The following LARP1 variants were observed in gnomAD, a reference collection of about 807,000 sequenced individuals.
LARP1 encodes la-related protein 1.
Under a neutral mutation model 122.7 loss-of-function variants are expected in LARP1, and 36 were observed. The observed-to-expected ratio is 0.29, with a 90% CI of 0.22 to 0.39. The LOEUF is 0.39. Ranked by LOEUF, LARP1 falls within the 10% of genes least tolerant of loss-of-function variation. LARP1 has a pLI of 1.00. For synonymous variants in LARP1, 539 were observed against 528.7 expected (o/e 1.02, Z -0.27); for missense variants, 1,040 against 1,403.6 (o/e 0.74, Z 4.14).
At chr5:154,707,220 C>T (rs1754992923) in intron 1 of LARP1, among the ~76,000 whole-genome samples, 1 of 151,876 alleles carries the variant, frequency 6.6e-6, no homozygotes, top group Admixed American at 6.6e-5. Flanking sequence ...ATAGCCTTGG[C>T]AATACAGCCA....
At chr5:154,808,376 G>A in intron 15 of LARP1, 83 bp from the exon 16 acceptor site, 2 of 1,525,186 alleles carry the variant, frequency 1.3e-6, no homozygotes, top group Non-Finnish European at 1.8e-6. Context: ...AAAGGACCAA[G>A]TCTTAAGTTC....
chr5:154,796,378 T>C (rs1757855930), intron 8 of LARP1, among the ~76,000 whole-genome samples: 1 of 151,192 alleles, frequency 6.6e-6, no homozygotes, highest in East Asian at 1.9e-4. Context: ...ACCTGTGTAT[T>C]GTCTTATTAA....
At position 154,803,330 on chromosome 5, in the gene LARP1, G is replaced by A. The variant is rs780943760; in HGVS notation, c.2150G>A (p.Arg717Gln). Residue 717 changes from arginine (R) to glutamine (Q), a missense_variant, in exon 12 of 19, where the codon CGG becomes CAG. By Grantham distance (43) the Arg-to-Gln change is conservative. Around this residue, in one of 8 missense-constraint regions of LARP1, gnomAD observed 362 missense variants for 533.1 expected, o/e 0.68. Coordinates refer to ENST00000518297, the MANE Select transcript of LARP1 (RefSeq NM_033551.3). This position sits in a 1 kb window ranked among gnomAD's most constrained non-coding sequence, Gnocchi z 4.4. ...ENFKKVNMIS[R>Q]EQFDTLTPEP... ...TTCAAAAAGGTCAATATGATCAGCC[G>A]GGAGCAGTTTGACACACTGACCCCT... 2.5e-6 allele frequency: 4 copies of A among 1,613,934 alleles called. No individual in the cohort carries two copies. In the South Asian group the frequency reaches 3.3e-5, roughly 13 times the overall value.
chr5:154,712,596 T>G (rs1361947077), upstream of LARP1, among the ~76,000 whole-genome samples: 1 of 152,180 alleles, frequency 6.6e-6, no homozygotes, highest in Admixed American at 6.6e-5. Flanking sequence ...TAGCCCCAGC[T>G]TGTTTTCCAG....
At chr5:154,739,472 T>C (rs775136516) in intron 1 of LARP1, among the ~76,000 whole-genome samples, 4 of 152,268 alleles carry the variant, frequency 2.6e-5, no homozygotes, top group Non-Finnish European at 5.9e-5. Context: ...AAAATGAGAT[T>C]AATTCCTCAC....
At position 154,780,029 on chromosome 5, in the gene LARP1, C is replaced by T. The variant is rs117203718; in HGVS notation, c.437-10296C>T. On this transcript the variant is annotated intron_variant, in intron 1 of 18. Coordinates refer to ENST00000518297, the MANE Select transcript of LARP1 (RefSeq NM_033551.3). ...CACCGAGAGAGGCAAATTAGCAGCT[C>T]CTGGGAAGCAAGGCTGCCTGGCCAG... Among the ~76,000 whole-genome samples the T allele has an allele frequency of 1.8e-3, 274 of 152,170 alleles. 4 individuals carry two copies. The East Asian group carries it at 0.024, about 13-fold the overall frequency.
intron 1 of LARP1, among the ~76,000 whole-genome samples, chr5:154,764,904 CAAAAA>C (rs57409005): frequency 9.8e-6 from 1 of 102,466 alleles, no homozygotes. Context: ...GACTCCATCA[CAAAAA>C]AAAAAAAAAA....
intron 1 of LARP1, among the ~76,000 whole-genome samples, chr5:154,683,472 T>A (rs13178134): frequency 0.11 from 17,343 of 152,228 alleles, 1,297 homozygotes; most frequent in East Asian, 0.39. Flanking sequence ...CCATGATAAC[T>A]CTAGCCTATT....
At chr5:154,745,944 C>T (rs779829385) in intron 1 of LARP1, among the ~76,000 whole-genome samples, 27 of 152,086 alleles carry the variant, frequency 1.8e-4, no homozygotes, top group African/African-American at 4.6e-4. Context: ...TACAGGTACG[C>T]GCCACCACGC....
intron 1 of LARP1, among the ~76,000 whole-genome samples, chr5:154,734,026 G>A (rs951588558): frequency 1.5e-4 from 23 of 151,896 alleles, no homozygotes; most frequent in Non-Finnish European, 2.1e-4. Flanking sequence ...AATTAGCCAG[G>A]CATGGTGGCA....
At chr5:154,742,741 A>G (rs989165554) in intron 1 of LARP1, among the ~76,000 whole-genome samples, 1 of 151,312 alleles carries the variant, frequency 6.6e-6, no homozygotes, top group African/African-American at 2.4e-5. Context: ...AAAAAAAAAA[A>G]AAAGAAAAAA....
intron 1 of LARP1, among the ~76,000 whole-genome samples, chr5:154,690,203 C>T (rs1316933469): frequency 6.6e-6 from 1 of 152,068 alleles, no homozygotes; most frequent in Non-Finnish European, 1.5e-5. Flanking sequence ...TACCCCATTG[C>T]AGTTAGACAA....
chr5:154,704,111 C>T (rs1261644498), intron 1 of LARP1, among the ~76,000 whole-genome samples: 1 of 152,118 alleles, frequency 6.6e-6, no homozygotes, highest in Admixed American at 6.6e-5. Flanking sequence ...AATTATTTAA[C>T]CCATTTCCCA....
chr5:154,766,465 C>T (rs1451937905), intron 1 of LARP1, among the ~76,000 whole-genome samples: 1 of 152,198 alleles, frequency 6.6e-6, no homozygotes, highest in Non-Finnish European at 1.5e-5. Context: ...TAGAGAGTGG[C>T]CGAGGTTTAT....
chr5:154,804,712 A>G (rs1437653525), intron 14 of LARP1: 1 of 453,512 alleles, frequency 2.2e-6, no homozygotes, highest in Non-Finnish European at 4.4e-6. Flanking sequence ...TATTGGCCCC[A>G]ACCTGTATCT....
At chr5:154,773,527 A>G (rs933046701) in intron 1 of LARP1, among the ~76,000 whole-genome samples, 5 of 152,146 alleles carry the variant, frequency 3.3e-5, no homozygotes, top group African/African-American at 1.2e-4. Context: ...GTGTAAGTGC[A>G]TGTTCCCCCA....
chr5:154,767,832 G>A (rs545227490), intron 1 of LARP1, among the ~76,000 whole-genome samples: 4 of 152,246 alleles, frequency 2.6e-5, no homozygotes, highest in African/African-American at 7.2e-5. Flanking sequence ...GTGTAGGGGT[G>A]GGGTTTGGAA....
At chr5:154,801,856 A>G (rs1758378864) in intron 10 of LARP1, 151 bp from the exon 11 acceptor site, 5 of 672,642 alleles carry the variant, frequency 7.4e-6, no homozygotes, top group Non-Finnish European at 1.2e-5. Flanking sequence ...GCTGACTCCC[A>G]GGATGACGCT....
intron 1 of LARP1, among the ~76,000 whole-genome samples, chr5:154,763,222 G>A (rs971312037): frequency 1.3e-5 from 2 of 151,834 alleles, no homozygotes; most frequent in Non-Finnish European, 2.9e-5. Flanking sequence ...CACCACGCCT[G>A]GCTAATTTTT....
Sources: allele counts gnomAD v4.1 joint callset (sites outside exome capture counted in the v4.1 genomes callset), GRCh38; gene constraint gnomAD v4.1.1; regional missense constraint gnomAD v4.1.1; non-coding constraint Gnocchi (gnomAD v3.1); transcripts MANE v1.5; gene names NCBI Gene and HGNC (gene_info 2026-07-23, HGNC 2026-07-21).